The following MAML3 variants were observed in gnomAD, a reference collection of about 807,000 sequenced individuals.
MAML3 encodes mastermind-like protein 3.
In MAML3, 27 loss-of-function variants were observed where a neutral mutation model predicts 101.9. The ratio of observed to expected loss-of-function variants is 0.27; its 90% confidence interval spans 0.20 to 0.37. The LOEUF is 0.37. Ranked by LOEUF, MAML3 falls within the 10% of genes least tolerant of loss-of-function variation. MAML3 has a pLI of 1.00. For missense variants in MAML3, 1,316 were observed against 1,444.9 expected, an observed-to-expected ratio of 0.91 and a Z score of 1.45; for synonymous variants, 501 against 555.9, an observed-to-expected ratio of 0.90 and a Z score of 1.39.
intron 1 of MAML3, among the ~76,000 whole-genome samples, chr4:140,101,285 T>C (rs985319281): frequency 2.2e-4 from 34 of 152,200 alleles, no homozygotes; most frequent in African/African-American, 8.0e-4. Context: ...CCCAGCGTCC[T>C]ACCCTACCTA....
intron 1 of MAML3, among the ~76,000 whole-genome samples, chr4:140,060,282 C>T (rs1433183554): frequency 7.2e-6 from 1 of 138,962 alleles, no homozygotes; most frequent in Non-Finnish European, 1.5e-5. Flanking sequence ...AGGAGAATTG[C>T]TTGAACCCGG....
At chr4:139,745,300 A>ATAG (rs1729285849) in intron 2 of MAML3, among the ~76,000 whole-genome samples, 1 of 151,752 alleles carries the variant, frequency 6.6e-6, no homozygotes. Context: ...ATCAGGAGCC[A>ATAG]CAGCAGGTTC....
At chr4:140,026,741 T>G (rs549892434) in intron 1 of MAML3, among the ~76,000 whole-genome samples, 1 of 152,248 alleles carries the variant, frequency 6.6e-6, no homozygotes, top group East Asian at 1.9e-4. Context: ...TATGGTAAAT[T>G]TTGCATCCCA....
intron 2 of MAML3, chr4:139,794,270 T>C (rs1730471323): frequency 6.6e-6 from 1 of 152,170 alleles, no homozygotes; most frequent in African/African-American, 2.4e-5. Flanking sequence ...CAAAGAACAA[T>C]GATCTATCTG....
At chr4:140,065,489 T>C (rs1727520156) in intron 1 of MAML3, among the ~76,000 whole-genome samples, 1 of 152,208 alleles carries the variant, frequency 6.6e-6, no homozygotes. Flanking sequence ...GCTGTAACTT[T>C]TCAAAATCAA....
At chr4:140,150,643 A>G (rs1729142398) in intron 1 of MAML3, among the ~76,000 whole-genome samples, 1 of 152,190 alleles carries the variant, frequency 6.6e-6, no homozygotes, top group African/African-American at 2.4e-5. Context: ...CGTGGGGTGT[A>G]CAAATACACG....
At chr4:139,987,812 G>C (rs1452989536) in intron 1 of MAML3, among the ~76,000 whole-genome samples, 1 of 152,002 alleles carries the variant, frequency 6.6e-6, no homozygotes, top group Non-Finnish European at 1.5e-5. Context: ...CTGAGGTCAG[G>C]AGTTCGAGAC....
At chr4:140,085,525 A>T (rs1727937683) in intron 1 of MAML3, among the ~76,000 whole-genome samples, 1 of 152,170 alleles carries the variant, frequency 6.6e-6, no homozygotes, top group Admixed American at 6.5e-5. Flanking sequence ...CAAATGATAG[A>T]TACCTGCACT....
At chr4:139,769,355 A>G (rs1247611945) in intron 2 of MAML3, among the ~76,000 whole-genome samples, 5 of 152,204 alleles carry the variant, frequency 3.3e-5, no homozygotes, top group African/African-American at 1.2e-4. Flanking sequence ...AGGTGCATGG[A>G]ACACAAGACA....
At position 140,153,229 on chromosome 4, in the gene MAML3, C is replaced by T. The variant is rs1020618862; in HGVS notation, c.99G>A (p.Val33=). 4 of 1,579,850 alleles carry T rather than the reference C, an allele frequency of 2.5e-6. No homozygotes were observed. Among genetic ancestry groups the T allele is most frequent in the Non-Finnish European group, 2.6e-6 (3 of 1,161,930 alleles). ...NSSLGGAGIG[V]NNTPNSTPAA... ...CGGGAGTACTATTGGGAGTATTATTCACACCGATCCCGGCCCCGCCGAGGC... is the reference window on the plus strand; with the variant it reads ...CGGGAGTACTATTGGGAGTATTATTTACACCGATCCCGGCCCCGCCGAGGC... The change falls in exon 1 of 5, where the codon GTG becomes GTA. Residue 33 remains valine, a synonymous_variant. Coordinates refer to ENST00000509479, the MANE Select transcript of MAML3 (RefSeq NM_018717.5).
intron 2 of MAML3, among the ~76,000 whole-genome samples, chr4:139,769,595 A>G (rs1729933947): frequency 1.3e-5 from 2 of 152,300 alleles, no homozygotes; most frequent in Admixed American, 1.3e-4. Flanking sequence ...GGTGAGTCTA[A>G]AGACCTTCCA....
intron 2 of MAML3, among the ~76,000 whole-genome samples, chr4:139,869,667 A>G (rs1191980761): frequency 6.6e-6 from 1 of 152,138 alleles, no homozygotes; most frequent in Non-Finnish European, 1.5e-5. Context: ...ACTCCAACAA[A>G]ACACACGTAA....
At chr4:139,749,093 T>A (rs955121921) in intron 2 of MAML3, among the ~76,000 whole-genome samples, 1 of 152,186 alleles carries the variant, frequency 6.6e-6, no homozygotes, top group Non-Finnish European at 1.5e-5. Context: ...GAAAAATATA[T>A]TTCCTTCCTC....
intron 1 of MAML3, among the ~76,000 whole-genome samples, chr4:140,031,381 G>T (rs1407874158): frequency 6.6e-6 from 1 of 152,074 alleles, no homozygotes; most frequent in African/African-American, 2.4e-5. Context: ...ATTTAAAAAT[G>T]GACTAAGTAA....
chr4:139,728,565 A>G (rs139413446), intron 3 of MAML3, among the ~76,000 whole-genome samples: 1 of 152,336 alleles, frequency 6.6e-6, no homozygotes, highest in Non-Finnish European at 1.5e-5. Context: ...AAAAGAACGG[A>G]CAAATCTTGG....
At chr4:139,746,306 A>C (rs2111032168) in intron 2 of MAML3, among the ~76,000 whole-genome samples, 1 of 152,378 alleles carries the variant, frequency 6.6e-6, no homozygotes, top group Non-Finnish European at 1.5e-5. Flanking sequence ...ATTCATCAGT[A>C]CACAACCAGT....
intron 1 of MAML3, among the ~76,000 whole-genome samples, chr4:139,982,944 G>A (rs991398154): frequency 3.9e-5 from 6 of 152,116 alleles, no homozygotes; most frequent in African/African-American, 1.2e-4. Context: ...GCTTAAATAC[G>A]ACTGCTTTTG....
At chr4:139,752,009 G>A (rs1729519485) in intron 2 of MAML3, among the ~76,000 whole-genome samples, 1 of 152,160 alleles carries the variant, frequency 6.6e-6, no homozygotes, top group Non-Finnish European at 1.5e-5. Context: ...GAAATCTGAA[G>A]CTTATCATTA....
At position 140,153,402 on chromosome 4, in the gene MAML3, G is replaced by A; in HGVS notation, c.-75C>T. The stretch of plus-strand genomic sequence containing the variant: ...CTATCAGCCTCCTCCTTGGGTCCAA[G>A]GATTAAAATAGTTTAAGTGGAACGC... On this transcript the variant is annotated 5_prime_UTR_variant, in exon 1 of 5. Transcript: ENST00000509479. 7.0e-7 allele frequency: 1 copy of A among 1,435,900 alleles called. No homozygotes were observed. Among genetic ancestry groups the A allele is most frequent in the South Asian group, 1.5e-5 (1 of 67,720 alleles). The allele number at this position is 1,435,900 out of a possible 1,614,324, so 88.9% of individuals were successfully genotyped here.
Sources: allele counts gnomAD v4.1 joint callset (sites outside exome capture counted in the v4.1 genomes callset), GRCh38; gene constraint gnomAD v4.1.1; transcripts MANE v1.5; gene names NCBI Gene and HGNC (gene_info 2026-07-23, HGNC 2026-07-21).